KCND2: variants seen among roughly 807,000 people sequenced by gnomAD.
KCND2 encodes A-type voltage-gated potassium channel KCND2.
In KCND2, 16 loss-of-function variants were observed where a neutral mutation model predicts 54.4. The observed-to-expected ratio is 0.29, with a 90% confidence interval of 0.20 to 0.45. The LOEUF (loss-of-function observed/expected upper bound fraction) is 0.45. Ranked by LOEUF, KCND2 falls within the 20% of genes least tolerant of loss-of-function variation. The probability of loss-of-function intolerance (pLI) is 1.00; values close to 1 mark genes in which losing one functional copy is unlikely to be tolerated. For synonymous variants in KCND2, 317 were observed against 310.7 expected (o/e 1.02, Z -0.21); for missense variants, 486 against 824.2 (o/e 0.59, Z 5.02).
chr7:120,383,899 A>G (rs1279776060), intron 1 of KCND2, among the ~76,000 whole-genome samples: 1 of 152,108 alleles, frequency 6.6e-6, no homozygotes, highest in African/African-American at 2.4e-5. Flanking sequence ...TTAGTGAGAC[A>G]AGACCTATCT....
chr7:120,691,746 G>C (rs1239682949), intron 1 of KCND2, among the ~76,000 whole-genome samples: 1 of 152,140 alleles, frequency 6.6e-6, no homozygotes, highest in Non-Finnish European at 1.5e-5. Flanking sequence ...CCAGTGACTA[G>C]ATGTCATCAA....
intron 1 of KCND2, among the ~76,000 whole-genome samples, chr7:120,506,335 G>A (rs148099403): frequency 4.0e-5 from 6 of 151,866 alleles, no homozygotes; most frequent in South Asian, 2.1e-4. Context: ...TTAGATTAGA[G>A]CACCATACGA....
chr7:120,548,640 T>C (rs1792071445), intron 1 of KCND2, among the ~76,000 whole-genome samples: 1 of 152,158 alleles, frequency 6.6e-6, no homozygotes, highest in Non-Finnish European at 1.5e-5. Flanking sequence ...GCACATTTCA[T>C]ATTTGTCAAA....
intron 1 of KCND2, among the ~76,000 whole-genome samples, chr7:120,523,740 G>A (rs1270262158): frequency 6.9e-6 from 1 of 143,904 alleles, no homozygotes; most frequent in African/African-American, 2.6e-5. Flanking sequence ...GTGTGTGTGT[G>A]TGTGTGTATG....
intron 1 of KCND2, among the ~76,000 whole-genome samples, chr7:120,489,086 T>C (rs907614176): frequency 2.0e-5 from 3 of 152,118 alleles, no homozygotes; most frequent in Admixed American, 1.3e-4. Context: ...ATATTCTGTA[T>C]GTTAAACATG....
chr7:120,570,523 A>G, intron 1 of KCND2, among the ~76,000 whole-genome samples: 1 of 152,196 alleles, frequency 6.6e-6, no homozygotes, highest in East Asian at 1.9e-4. Flanking sequence ...ATAAAAAAAG[A>G]AATGTTTTAA....
chr7:120,281,504 A>G (rs1799263359), intron 1 of KCND2, among the ~76,000 whole-genome samples: 1 of 151,322 alleles, frequency 6.6e-6, no homozygotes, highest in Admixed American at 6.6e-5. Context: ...TTTGCCCTTT[A>G]GTTTTCTCCT....
chr7:120,449,736 C>T (rs1040984834), intron 1 of KCND2, among the ~76,000 whole-genome samples: 11 of 152,180 alleles, frequency 7.2e-5, no homozygotes, highest in African/African-American at 2.7e-4. Context: ...GTTAAGCCTG[C>T]CACTCACTCT....
At chr7:120,704,432 G>T (rs1416718891) in intron 1 of KCND2, among the ~76,000 whole-genome samples, 5 of 151,796 alleles carry the variant, frequency 3.3e-5, no homozygotes, top group African/African-American at 1.2e-4. Context: ...TTAAAGCTCT[G>T]GTCATCTGAG....
intron 1 of KCND2, among the ~76,000 whole-genome samples, chr7:120,336,660 T>C (rs534937992): frequency 2.4e-4 from 37 of 152,278 alleles, no homozygotes; most frequent in African/African-American, 8.2e-4. Context: ...AGTTCTTTGC[T>C]GATTATCTTT....
At chr7:120,503,057 T>C (rs1190677559) in intron 1 of KCND2, among the ~76,000 whole-genome samples, 1 of 152,142 alleles carries the variant, frequency 6.6e-6, no homozygotes, top group Non-Finnish European at 1.5e-5. Context: ...ATCTGTTATC[T>C]ATTGCCTTAG....
chr7:120,586,578 TTACTG>T (rs1284497240), intron 1 of KCND2, among the ~76,000 whole-genome samples: 21 of 152,186 alleles, frequency 1.4e-4, no homozygotes, highest in African/African-American at 4.8e-4. Flanking sequence ...TCCCTTTTCT[TTACTG>T]TATGAGTCCG....
At chr7:120,574,648 G>A (rs2116431565) in intron 1 of KCND2, among the ~76,000 whole-genome samples, 1 of 152,172 alleles carries the variant, frequency 6.6e-6, no homozygotes, top group East Asian at 1.9e-4. Flanking sequence ...CTCAGGGATT[G>A]TTTTTGTTAG....
chr7:120,470,816 A>G, intron 1 of KCND2, among the ~76,000 whole-genome samples: 1 of 150,904 alleles, frequency 6.6e-6, no homozygotes, highest in East Asian at 2.1e-4. Flanking sequence ...ATATTACATG[A>G]CATTATATTT....
chr7:120,389,455 T>G (rs1308029743), intron 1 of KCND2, among the ~76,000 whole-genome samples: 2 of 151,758 alleles, frequency 1.3e-5, no homozygotes, highest in African/African-American at 4.8e-5. Context: ...ATACCATACG[T>G]TAGATTTTTA....
chr7:120,403,864 A>T (rs1584764564), intron 1 of KCND2, among the ~76,000 whole-genome samples: 1 of 152,232 alleles, frequency 6.6e-6, no homozygotes, highest in South Asian at 2.1e-4. Context: ...TCTTCTGCCT[A>T]TAAAAAAAAT....
chr7:120,543,312 C>G (rs1792004578), intron 1 of KCND2, among the ~76,000 whole-genome samples: 1 of 151,794 alleles, frequency 6.6e-6, no homozygotes, highest in East Asian at 1.9e-4. Flanking sequence ...TTTTCCCCAG[C>G]AGAGCATGCC....
chr7:120,616,795 G>A (rs1793031090), intron 1 of KCND2, among the ~76,000 whole-genome samples: 1 of 152,108 alleles, frequency 6.6e-6, no homozygotes, highest in Non-Finnish European at 1.5e-5. Context: ...CATTTATCAG[G>A]ATGGGTGACA....
At chr7:120,675,855 CT>C (rs58226731) in intron 1 of KCND2, among the ~76,000 whole-genome samples, 4,044 of 121,490 alleles carry the variant, frequency 0.033, 78 homozygotes, top group African/African-American at 0.11. Flanking sequence ...TCTTTCTATT[CT>C]TTTTTTTTTT....
Sources: gnomAD v4.1 joint callset for allele counts (sites outside exome capture counted in the v4.1 genomes callset) on GRCh38, gnomAD v4.1.1 for gene constraint, MANE v1.5 for transcripts, NCBI Gene and HGNC (gene_info 2026-07-23, HGNC 2026-07-21) for gene names.